AGAP3: variants seen among roughly 807,000 people sequenced by gnomAD.
AGAP3 encodes the protein arf-GAP with GTPase, ANK repeat and PH domain-containing protein 3.
A neutral mutation model predicts 96.9 loss-of-function variants in AGAP3; 24 were observed. The ratio of observed to expected loss-of-function variants is 0.25; its 90% CI spans 0.18 to 0.35. The LOEUF (loss-of-function observed/expected upper bound fraction) is 0.35, where lower values mean the gene tolerates loss of function less well. Ranked by LOEUF, AGAP3 falls within the 10% of genes least tolerant of loss-of-function variation. The pLI, the probability that AGAP3 is intolerant of heterozygous loss-of-function variation, is 1.00. For missense variants in AGAP3, 876 were observed against 1,254.2 expected, an observed-to-expected ratio of 0.70 and a Z score of 4.55; for synonymous variants, 563 against 536.1, an observed-to-expected ratio of 1.05 and a Z score of -0.69.
chr7:151,143,215 C>A lies in AGAP3; in HGVS notation c.2274-126C>A. On this transcript the variant is annotated intron_variant, in intron 16 of 17. Coordinates refer to ENST00000397238, the MANE Select transcript of AGAP3 (RefSeq NM_031946.7). The surrounding 1 kb of genome is among the most constrained non-coding windows in gnomAD (Gnocchi z 5.9). ...TCTCTCCTTCCTTTTTGCTCCATCT[C>A]ATCTTCTCTCACTGTTTCTTCCTTG... The A allele has an allele frequency of 8.3e-7, 1 of 1,204,502 alleles. No individual in the cohort carries two copies. The highest frequency in any genetic ancestry group is 1.1e-6 in the Non-Finnish European group (1 of 870,892). The allele number at this position is 1,204,502 out of a possible 1,614,324, so 74.6% of individuals were successfully genotyped here.
intron 9 of AGAP3, among the ~76,000 whole-genome samples, chr7:151,126,087 T>A (rs1464262239): frequency 6.6e-6 from 1 of 150,730 alleles, no homozygotes; most frequent in East Asian, 2.0e-4. Flanking sequence ...AGCGGCCCGG[T>A]CGTTCCGCCC....
At chr7:151,116,572 TCA>T in intron 1 of AGAP3, 1 of 575,958 alleles carries the variant, frequency 1.7e-6, no homozygotes, top group Non-Finnish European at 3.1e-6. Context: ...CCCACAGCCC[TCA>T]GAGTCCTGTT....
intron 1 of AGAP3, among the ~76,000 whole-genome samples, chr7:151,103,368 G>T (rs959743424): frequency 2.0e-5 from 3 of 152,202 alleles, no homozygotes; most frequent in Admixed American, 1.3e-4. Flanking sequence ...GAAGAATGTT[G>T]TCTAATCTTG....
intron 10 of AGAP3, among the ~76,000 whole-genome samples, 168 bp from the exon 11 acceptor site, chr7:151,134,232 G>A (rs368033858): frequency 2.5e-4 from 22 of 89,790 alleles, no homozygotes; most frequent in East Asian, 5.2e-4. Context: ...CGTGGAGATC[G>A]AGGTGGAATC....
At chr7:151,099,447 C>A (rs368084054) in intron 1 of AGAP3, among the ~76,000 whole-genome samples, 2 of 152,142 alleles carry the variant, frequency 1.3e-5, no homozygotes, top group Non-Finnish European at 2.9e-5. Context: ...GCAGACAAAT[C>A]CATTTAAAAG....
At chr7:151,135,979 TAAG>T (rs1014584584) in intron 11 of AGAP3, among the ~76,000 whole-genome samples, 6 of 152,132 alleles carry the variant, frequency 3.9e-5, no homozygotes, top group Non-Finnish European at 7.4e-5. Context: ...GGAAGGAAGC[TAAG>T]AAGGAGAAGG....
intron 1 of AGAP3, among the ~76,000 whole-genome samples, chr7:151,109,182 AAAAAAC>A: frequency 6.9e-6 from 1 of 144,102 alleles, no homozygotes; most frequent in African/African-American, 2.7e-5. Flanking sequence ...AAAAAAAAAC[AAAAAAC>A]AAAAAACAAA....
At chr7:151,134,042 C>T (rs1485299992) in intron 10 of AGAP3, among the ~76,000 whole-genome samples, 2 of 152,186 alleles carry the variant, frequency 1.3e-5, no homozygotes, top group African/African-American at 2.4e-5. Flanking sequence ...CTCCGCTCCC[C>T]TCCTCAGCCA....
intron 1 of AGAP3, chr7:151,090,380 CT>C (rs66762542): frequency 0.29 from 24,956 of 86,290 alleles, 2,642 homozygotes; most frequent in Non-Finnish European, 0.35. Context: ...CCCACTAGGG[CT>C]TTTTTTTTTT....
Position 151,093,654 on chromosome 7 carries a change from G to A in AGAP3, c.331+6582G>A, listed in dbSNP as rs150417778. Among the ~76,000 whole-genome samples the A allele has an allele frequency of 6.2e-3, 939 of 152,260 alleles. 10 individuals carry two copies. Among genetic ancestry groups the A allele is most frequent in the African/African-American group, 0.021 (892 of 41,536 alleles). ...CTGGATTTGCTGTTACTAGGCTTTC[G>A]CAGCAAACGTGGGATTGTTGTGGAA... On this transcript the variant is annotated intron_variant, in intron 1 of 17. Coordinates refer to ENST00000397238, the MANE Select transcript of AGAP3 (RefSeq NM_031946.7).
At chr7:151,129,898 C>T (rs1476120985) in intron 10 of AGAP3, among the ~76,000 whole-genome samples, 1 of 152,192 alleles carries the variant, frequency 6.6e-6, no homozygotes, top group African/African-American at 2.4e-5. Flanking sequence ...ACAAGGGGAG[C>T]CCCAGTATTT....
At chr7:151,123,138 C>T in intron 8 of AGAP3, 1 of 1,102,552 alleles carries the variant, frequency 9.1e-7, no homozygotes, top group African/African-American at 1.7e-5. Flanking sequence ...TCCTGCCCCT[C>T]CCCTCCTCTG....
chr7:151,102,963 TCTC>T (rs1289452318), intron 1 of AGAP3, among the ~76,000 whole-genome samples: 1 of 152,234 alleles, frequency 6.6e-6, no homozygotes, highest in African/African-American at 2.4e-5. Context: ...ACACCTGTAG[TCTC>T]AGCCACATGG....
At chr7:151,099,161 G>C (rs901246419) in intron 1 of AGAP3, among the ~76,000 whole-genome samples, 3 of 151,704 alleles carry the variant, frequency 2.0e-5, no homozygotes, top group Non-Finnish European at 4.4e-5. Context: ...GGCTAACACA[G>C]TGAAACCCCG....
In AGAP3 at chr7:151,134,435, C is replaced by T; in HGVS notation, c.1362C>T (p.Asp454=). 6.2e-7 allele frequency: 1 copy of T among 1,613,614 alleles called. No homozygotes were observed. Among genetic ancestry groups the T allele is most frequent in the Non-Finnish European group, 8.5e-7 (1 of 1,180,026 alleles). Reference sequence around the variant, plus strand: ...AGAACATCCACGGCAAGGAGATTGACCTGCTGCGGACAACGGTGAAAGTGC... The same window carrying T: ...AGAACATCCACGGCAAGGAGATTGATCTGCTGCGGACAACGGTGAAAGTGC... ...YMQNIHGKEI[D]LLRTTVKVPG... The change falls in exon 11 of 18, where the codon GAC becomes GAT. Residue 454 remains aspartate (D), a synonymous_variant. Coordinates refer to ENST00000397238, the MANE Select transcript of AGAP3 (RefSeq NM_031946.7).
chr7:151,143,658 A>G lies in AGAP3; in HGVS notation c.2529+62A>G. ...CTTCTTAGCCTTGTTCTTTGAAAGC[A>G]ACCTCTTCTTTCCTCCCCTACAACC... On this transcript the variant is annotated intron_variant, in intron 17 of 17. Coordinates refer to ENST00000397238, the MANE Select transcript of AGAP3 (RefSeq NM_031946.7). The surrounding 1 kb of genome is among the most constrained non-coding windows in gnomAD (Gnocchi z 5.9). 6.2e-7 allele frequency: 1 copy of G among 1,604,926 alleles called. No homozygotes were observed. The highest frequency in any genetic ancestry group is 8.5e-7 in the Non-Finnish European group (1 of 1,173,744).
In AGAP3 at chr7:151,112,663, A is replaced by C. The variant is rs1585064125; in HGVS notation, c.332-4130A>C. ...GCCCAGGCTGGAATGCAGTGGCTCC[A>C]TCTTGGCTCACGGCAACCTGGACCC... On this transcript the variant is annotated intron_variant, in intron 1 of 17. Coordinates refer to ENST00000397238, the MANE Select transcript of AGAP3 (RefSeq NM_031946.7). Among the ~76,000 whole-genome samples, 3 of 152,178 alleles carry C rather than the reference A, an allele frequency of 2.0e-5. No homozygotes were observed. In the South Asian group the frequency reaches 6.2e-4, roughly 32 times the overall value.
rs1799464478 is a variant in AGAP3 at position 151,114,798 on chromosome 7, A to G, written c.332-1995A>G. 1.2e-5 allele frequency: 13 copies of G among 1,047,704 alleles called. No homozygotes were observed. The highest frequency in any genetic ancestry group is 1.5e-5 in the Non-Finnish European group (13 of 872,244). The allele number at this position is 1,047,704 out of a possible 1,614,324, so 64.9% of individuals were successfully genotyped here. On this transcript the variant is annotated intron_variant, in intron 1 of 17. Coordinates refer to ENST00000397238, the MANE Select transcript of AGAP3 (RefSeq NM_031946.7). This position sits in a 1 kb window ranked among gnomAD's most constrained non-coding sequence, Gnocchi z 4.4. Reference sequence around the variant, plus strand: ...GGAGCGGGGCTGGCCGCAGGGGGACAGCTGTCCCGGGGAGCGGCCCGCCGC... The same window carrying G: ...GGAGCGGGGCTGGCCGCAGGGGGACGGCTGTCCCGGGGAGCGGCCCGCCGC...
chr7:151,111,920 G>A lies in AGAP3; in HGVS notation c.332-4873G>A, dbSNP rs190279476. 5.6e-4 allele frequency among the ~76,000 whole-genome samples: 86 copies of A among 152,294 alleles called. 1 individual carries two copies. Among genetic ancestry groups the A allele is most frequent in the Admixed American group, 9.1e-4 (14 of 15,302 alleles). Reference sequence around the variant, plus strand: ...GTGTTGTGGGATTTCAGTACTGTTCGTGTAGTCCCAGCCTGGAGCTTTTTA... The same window carrying A: ...GTGTTGTGGGATTTCAGTACTGTTCATGTAGTCCCAGCCTGGAGCTTTTTA... On this transcript the variant is annotated intron_variant, in intron 1 of 17. Coordinates refer to ENST00000397238, the MANE Select transcript of AGAP3 (RefSeq NM_031946.7).
Sources: allele counts gnomAD v4.1 joint callset (sites outside exome capture counted in the v4.1 genomes callset), GRCh38; gene constraint gnomAD v4.1.1; non-coding constraint Gnocchi (gnomAD v3.1); transcripts MANE v1.5; gene names NCBI Gene and HGNC (gene_info 2026-07-23, HGNC 2026-07-21).